GABRB3: variants seen among roughly 807,000 people sequenced by gnomAD.
GABRB3 encodes the protein gamma-aminobutyric acid receptor subunit beta-3.
A neutral mutation model predicts 52.1 loss-of-function variants in GABRB3; 14 were observed. The ratio of observed to expected loss-of-function variants is 0.27; its 90% CI spans 0.18 to 0.42. The LOEUF (loss-of-function observed/expected upper bound fraction) is 0.42. GABRB3 is among the 10% of genes least tolerant of loss of function. GABRB3 has a pLI of 1.00. For missense variants in GABRB3, 307 were observed against 609.1 expected (o/e 0.50, Z 5.22); for synonymous variants, 260 against 232.3 (o/e 1.12, Z -1.08).
chr15:26,670,152 G>A (rs560251446), intron 3 of GABRB3, among the ~76,000 whole-genome samples: 2 of 152,310 alleles, frequency 1.3e-5, no homozygotes, highest in South Asian at 4.1e-4. Context: ...GGCTGAGCGC[G>A]GAGACCGCTA....
chr15:26,707,568 G>A (rs2140125842), intron 3 of GABRB3, among the ~76,000 whole-genome samples: 1 of 152,308 alleles, frequency 6.6e-6, no homozygotes, highest in Admixed American at 6.5e-5. Context: ...GGTCCAGGAA[G>A]AAGAGGATGC....
chr15:26,745,519 C>T (rs1274849639), intron 3 of GABRB3, among the ~76,000 whole-genome samples: 1 of 152,064 alleles, frequency 6.6e-6, no homozygotes, highest in Non-Finnish European at 1.5e-5. Flanking sequence ...AGCTATAGGT[C>T]TATGCAATTT....
At chr15:26,603,461 T>C (rs1891659423) in intron 4 of GABRB3, among the ~76,000 whole-genome samples, 1 of 151,240 alleles carries the variant, frequency 6.6e-6, no homozygotes, top group African/African-American at 2.4e-5. Context: ...AAACAAAAAA[T>C]AAAACAAACA....
At chr15:26,717,035 G>A (rs1488376600) in intron 3 of GABRB3, among the ~76,000 whole-genome samples, 5 of 125,856 alleles carry the variant, frequency 4.0e-5, no homozygotes, top group East Asian at 4.3e-4. Flanking sequence ...TCCACCCAGC[G>A]ACAGTCCAGC....
chr15:26,733,267 T>C (rs919472101), intron 3 of GABRB3, among the ~76,000 whole-genome samples: 19 of 151,938 alleles, frequency 1.3e-4, no homozygotes, highest in Non-Finnish European at 2.2e-4. Context: ...TACACACACA[T>C]ACACACACAC....
chr15:26,663,226 C>A (rs1372735707), intron 3 of GABRB3, among the ~76,000 whole-genome samples: 1 of 152,190 alleles, frequency 6.6e-6, no homozygotes, highest in South Asian at 2.1e-4. Flanking sequence ...CTAATCCCAA[C>A]CCTGGCAATG....
intron 3 of GABRB3, among the ~76,000 whole-genome samples, chr15:26,704,019 G>A (rs1044604546): frequency 2.6e-5 from 4 of 152,320 alleles, no homozygotes; most frequent in African/African-American, 7.2e-5. Context: ...TAGGTAATGC[G>A]TTATGGAGGC....
chr15:26,567,638 G>A lies in GABRB3; in HGVS notation c.778C>T (p.Leu260=). 1 of 1,614,114 alleles carries A rather than the reference G, an allele frequency of 6.2e-7. No homozygotes were observed. Among genetic ancestry groups the A allele is most frequent in the South Asian group, 1.1e-5 (1 of 91,088 alleles). ...TTGATCCAGAAGGACACCCACGACA[G>A]AATCGTTATCAGTATAGAGGGCATA... is the stretch of plus-strand genomic sequence containing the variant. The part of the protein sequence containing the change: ...TYMPSILITI[L]SWVSFWINYD... Residue 260 remains leucine, a synonymous_variant, in exon 7 of 9, where the codon CTG becomes TTG. Coordinates refer to ENST00000311550, the MANE Select transcript of GABRB3 (RefSeq NM_000814.6).
chr15:26,727,557 C>T (rs1889806451), intron 3 of GABRB3, among the ~76,000 whole-genome samples: 1 of 152,172 alleles, frequency 6.6e-6, no homozygotes, highest in South Asian at 2.1e-4. Context: ...TTACCTAGCA[C>T]TTTCCCTACC....
intron 3 of GABRB3, among the ~76,000 whole-genome samples, chr15:26,641,212 G>A (rs1893191753): frequency 6.6e-6 from 1 of 152,198 alleles, no homozygotes; most frequent in African/African-American, 2.4e-5. Context: ...CTTTATGAAT[G>A]ACAGCCTGCA....
intron 4 of GABRB3, among the ~76,000 whole-genome samples, chr15:26,611,538 A>C (rs991208813): frequency 6.6e-6 from 1 of 152,158 alleles, no homozygotes; most frequent in Non-Finnish European, 1.5e-5. Context: ...TTCAGATTTG[A>C]TCTCAAAGTT....
chr15:26,712,175 TTTC>T (rs1018855461), intron 3 of GABRB3, among the ~76,000 whole-genome samples: 4 of 80,878 alleles, frequency 4.9e-5, no homozygotes, highest in Admixed American at 1.5e-4. Flanking sequence ...TGGACTTTTC[TTTC>T]TTTTTTTTTT....
At chr15:26,562,256 T>G (rs1332478281) in intron 7 of GABRB3, among the ~76,000 whole-genome samples, 1 of 152,178 alleles carries the variant, frequency 6.6e-6, no homozygotes, top group African/African-American at 2.4e-5. Flanking sequence ...GGAGACTGTA[T>G]TTTTGACATA....
intron 3 of GABRB3, among the ~76,000 whole-genome samples, chr15:26,655,657 G>T (rs1262920276): frequency 4.0e-5 from 6 of 151,784 alleles, no homozygotes; most frequent in Non-Finnish European, 8.8e-5. Flanking sequence ...CAGGAGAATG[G>T]CCTGAATCCA....
chr15:26,751,922 A>G (rs778651563), intron 3 of GABRB3, among the ~76,000 whole-genome samples: 32 of 152,208 alleles, frequency 2.1e-4, no homozygotes, highest in Non-Finnish European at 3.4e-4. Context: ...GGTGCTTGGC[A>G]AGGAGGAAAC....
At chr15:26,583,879 G>A (rs1004790691) in intron 4 of GABRB3, among the ~76,000 whole-genome samples, 11 of 150,776 alleles carry the variant, frequency 7.3e-5, no homozygotes, top group African/African-American at 1.5e-4. Context: ...GGTTCACGCC[G>A]TTCTCCTGCC....
chr15:26,649,778 T>G (rs1887139787), intron 3 of GABRB3, among the ~76,000 whole-genome samples: 1 of 151,466 alleles, frequency 6.6e-6, no homozygotes, highest in South Asian at 2.1e-4. Flanking sequence ...ATGGTAGCTA[T>G]GGAAACAATA....
intron 3 of GABRB3, among the ~76,000 whole-genome samples, chr15:26,739,378 C>T (rs1890145058): frequency 6.6e-6 from 1 of 152,002 alleles, no homozygotes; most frequent in Non-Finnish European, 1.5e-5. Context: ...CCTAAAAATC[C>T]AGACAGCTTT....
Position 26,770,159 on chromosome 15 carries a change from A to C in GABRB3, c.240+2243T>G, listed in dbSNP as rs569155553. Among the ~76,000 whole-genome samples the C allele has an allele frequency of 1.7e-4, 26 of 152,330 alleles. No individual in the cohort carries two copies. The South Asian group carries it at 1.9e-3, about 11-fold the overall frequency. Reference sequence around the variant, plus strand: ...TTTTAAGGAAAATCAGATTTTTCTAAAACATGACGTGACCAATCTGCTTGT... The same window carrying C: ...TTTTAAGGAAAATCAGATTTTTCTACAACATGACGTGACCAATCTGCTTGT... On this transcript the variant is annotated intron_variant, in intron 3 of 8. Transcript: ENST00000311550.
Sources: gnomAD v4.1 joint callset for allele counts (sites outside exome capture counted in the v4.1 genomes callset) on GRCh38, gnomAD v4.1.1 for gene constraint, MANE v1.5 for transcripts, NCBI Gene and HGNC (gene_info 2026-07-23, HGNC 2026-07-21) for gene names.